Variants in TCF12 observed in about 807,000 individuals in gnomAD.
The protein encoded by TCF12 is DNA-binding protein HTF4.
In TCF12, 45 loss-of-function variants were observed where a neutral mutation model predicts 86.0. That is an observed-to-expected ratio of 0.52 (90% CI 0.41 to 0.67). TCF12 has a LOEUF of 0.67. Ranked by LOEUF, TCF12 falls within the 30% of genes least tolerant of loss-of-function variation. TCF12 has a pLI of 0.00. For synonymous variants in TCF12, 330 were observed against 299.6 expected, an observed-to-expected ratio of 1.10 and a Z score of -1.05; for missense variants, 881 against 859.9, an observed-to-expected ratio of 1.02 and a Z score of -0.31.
intron 4 of TCF12, among the ~76,000 whole-genome samples, chr15:57,067,400 C>T (rs1012425386): frequency 6.6e-5 from 10 of 151,228 alleles, no homozygotes; most frequent in African/African-American, 2.4e-5. Context: ...ATTAGCCGGG[C>T]GTAGTGGTGG....
intron 3 of TCF12, among the ~76,000 whole-genome samples, chr15:56,959,826 G>C (rs1240815073): frequency 6.6e-6 from 1 of 152,032 alleles, no homozygotes; most frequent in African/African-American, 2.4e-5. Context: ...TATTGGTAAT[G>C]GTACAAGCAA....
At chr15:56,946,473 T>C (rs1477357189) in intron 3 of TCF12, among the ~76,000 whole-genome samples, 1 of 152,140 alleles carries the variant, frequency 6.6e-6, no homozygotes, top group Non-Finnish European at 1.5e-5. Flanking sequence ...CCTCAAGATA[T>C]TCCTGTTTTT....
At chr15:57,079,692 G>T (rs1341117700) in intron 4 of TCF12, among the ~76,000 whole-genome samples, 1 of 152,072 alleles carries the variant, frequency 6.6e-6, no homozygotes, top group Admixed American at 6.5e-5. Context: ...TCTCTAACGT[G>T]GTTAGAGAAG....
intron 7 of TCF12, among the ~76,000 whole-genome samples, chr15:57,193,055 T>C (rs564534935): frequency 1.3e-5 from 2 of 152,296 alleles, no homozygotes; most frequent in African/African-American, 4.8e-5. Flanking sequence ...TAACAAAATT[T>C]GCAAGGTGGT....
intron 5 of TCF12, among the ~76,000 whole-genome samples, chr15:57,136,958 GTTTTTTTTTTTGTT>G (rs1274020696): frequency 0.019 from 1,538 of 82,784 alleles, 213 homozygotes; most frequent in African/African-American, 0.061. Flanking sequence ...GCTTCTGGCA[GTTTTTTTTTTTGTT>G]TTTTTTTTTT....
intron 5 of TCF12, among the ~76,000 whole-genome samples, chr15:57,103,140 C>A (rs1252420818): frequency 6.6e-6 from 1 of 152,100 alleles, no homozygotes; most frequent in East Asian, 1.9e-4. Context: ...TACTGTTGCT[C>A]TAGTGAAAAT....
intron 3 of TCF12, among the ~76,000 whole-genome samples, chr15:56,950,698 GGTT>G (rs1359284016): frequency 4.1e-5 from 6 of 145,804 alleles, no homozygotes; most frequent in African/African-American, 1.3e-4. Flanking sequence ...TGGACATTTG[GGTT>G]GTCTCCAATT....
At chr15:56,953,271 C>T (rs1465941600) in intron 3 of TCF12, among the ~76,000 whole-genome samples, 2 of 151,708 alleles carry the variant, frequency 1.3e-5, no homozygotes, top group African/African-American at 4.8e-5. Context: ...TAGAATTTTT[C>T]ATGTGTGTTT....
rs180723686 is a variant in TCF12 at position 57,202,136 on chromosome 15, T to C, written c.579+4311T>C. On this transcript the variant is annotated intron_variant, in intron 8 of 20. Transcript: ENST00000333725. ...TATTCCCTACTTACAAATAAGAAAA[T>C]TAAGACTCAAAGACATAAATTAACT... 2.6e-5 allele frequency among the ~76,000 whole-genome samples: 4 copies of C among 152,192 alleles called. No individual in the cohort carries two copies. The East Asian group carries it at 7.7e-4, about 29-fold the overall frequency.
intron 3 of TCF12, among the ~76,000 whole-genome samples, chr15:57,038,922 C>T (rs118180789): frequency 5.8e-4 from 88 of 152,184 alleles, no homozygotes; most frequent in Admixed American, 1.6e-3. Flanking sequence ...TGAGGGGACA[C>T]GGGATAGATA....
intron 8 of TCF12, among the ~76,000 whole-genome samples, chr15:57,216,993 TTTG>T (rs1183767293): frequency 6.2e-4 from 94 of 152,200 alleles, no homozygotes; most frequent in African/African-American, 1.9e-3. Context: ...GGCATAGAGT[TTTG>T]TTGTTGTTGT....
At chr15:57,273,380 C>G in intron 19 of TCF12, 118 bp downstream of exon 19, 2 of 1,042,362 alleles carry the variant, frequency 1.9e-6, no homozygotes, top group South Asian at 3.2e-5. Flanking sequence ...ACTTCTTCTA[C>G]TGTATCATCA....
intron 3 of TCF12, among the ~76,000 whole-genome samples, chr15:57,026,182 G>C (rs557213094): frequency 1.2e-4 from 19 of 152,294 alleles, no homozygotes; most frequent in African/African-American, 4.6e-4. Context: ...AGCAGCCATA[G>C]ACAATATATG....
chr15:57,022,331 C>A (rs1420823364), intron 3 of TCF12, among the ~76,000 whole-genome samples: 3 of 151,882 alleles, frequency 2.0e-5, no homozygotes, highest in Admixed American at 6.6e-5. Flanking sequence ...GGTTTTCTGT[C>A]CTTGTGATAG....
intron 20 of TCF12, 83 bp downstream of exon 20, chr15:57,282,681 C>T (rs1298916693): frequency 2.0e-6 from 3 of 1,487,960 alleles, no homozygotes; most frequent in African/African-American, 2.8e-5. Flanking sequence ...GAACAGAATT[C>T]TCTAGTGAGC....
chr15:57,260,023 C>G (rs1229531444), intron 16 of TCF12, among the ~76,000 whole-genome samples: 2 of 152,226 alleles, frequency 1.3e-5, no homozygotes, highest in African/African-American at 2.4e-5. Context: ...CTCCAGACTT[C>G]AAGCCTTCGT....
chr15:56,921,821 A>G (rs1322396492), intron 3 of TCF12, among the ~76,000 whole-genome samples: 6 of 152,014 alleles, frequency 3.9e-5, no homozygotes, highest in Non-Finnish European at 8.8e-5. Context: ...AAAACATCAG[A>G]AAATAAGGTT....
At chr15:57,175,873 C>G (rs1464869401) in intron 6 of TCF12, among the ~76,000 whole-genome samples, 1 of 152,126 alleles carries the variant, frequency 6.6e-6, no homozygotes. Context: ...CAGATTTCAG[C>G]TTAATTTTAA....
chr15:57,100,889 C>T (rs2049692949), intron 5 of TCF12, among the ~76,000 whole-genome samples: 1 of 152,110 alleles, frequency 6.6e-6, no homozygotes. Flanking sequence ...TTAAATTGTA[C>T]AAGTATTACT....
Sources: allele counts gnomAD v4.1 joint callset (sites outside exome capture counted in the v4.1 genomes callset), GRCh38; gene constraint gnomAD v4.1.1; transcripts MANE v1.5; gene names NCBI Gene and HGNC (gene_info 2026-07-23, HGNC 2026-07-21).